The following PWWP3B variants were observed in gnomAD, a reference collection of about 807,000 sequenced individuals.
PWWP3B encodes PWWP domain-containing DNA repair factor 3B.
Under a neutral mutation model 15.7 loss-of-function variants are expected in PWWP3B, and 5 were observed. That is an observed-to-expected ratio of 0.32 (90% confidence interval 0.17 to 0.67). The LOEUF is 0.67. Ranked by LOEUF, PWWP3B falls within the 30% of genes least tolerant of loss-of-function variation. The pLI, the probability that PWWP3B is intolerant of heterozygous loss-of-function variation, is 0.74. For missense variants in PWWP3B, 519 were observed against 493.1 expected (o/e 1.05, Z -0.50); for synonymous variants, 203 against 179.8 (o/e 1.13, Z -1.03).
At chrX:106,174,640 G>T (rs1445095426) in intron 2 of PWWP3B, among the ~76,000 whole-genome samples, 2 of 111,547 alleles carry the variant, frequency 1.8e-5, no homozygotes, top group Non-Finnish European at 3.8e-5. Flanking sequence ...CCCTGTCCAG[G>T]AATCACCATA....
rs745530683 is a variant in PWWP3B at position 106,205,596 on chromosome X, C to G, written c.164C>G (p.Thr55Arg). Reference sequence around the variant, plus strand: ...AAAATTAAATTGGACAGCACAGAAACAAAGATCCTAAATAAATCTCAAATT... The same window carrying G: ...AAAATTAAATTGGACAGCACAGAAAGAAAGATCCTAAATAAATCTCAAATT... The part of the protein sequence containing the change: ...DEKIKLDSTE[T>R]KILNKSQIEA... The change falls in exon 4 of 4, where the codon ACA (threonine) becomes AGA (arginine). Residue 55 changes from threonine to arginine, a missense_variant. Transcript: ENST00000357175. 1.8e-5 allele frequency: 22 copies of G among 1,207,605 alleles called. No homozygotes were observed. In the South Asian group the frequency reaches 3.6e-4, roughly 20 times the overall value.
At chrX:106,181,269 G>A (rs962040618) in intron 2 of PWWP3B, among the ~76,000 whole-genome samples, 1 of 111,640 alleles carries the variant, frequency 9.0e-6, no homozygotes, top group East Asian at 2.8e-4. Context: ...CGTGGAAGGG[G>A]ACCCGAGTGG....
At chrX:106,194,618 T>G (rs1044365825) in intron 2 of PWWP3B, among the ~76,000 whole-genome samples, 2 of 112,043 alleles carry the variant, frequency 1.8e-5, no homozygotes, top group African/African-American at 6.5e-5. Flanking sequence ...AGAGGCACTC[T>G]GATTTTTAGA....
chrX:106,190,722 T>C (rs993767301), intron 2 of PWWP3B, among the ~76,000 whole-genome samples: 2 of 112,047 alleles, frequency 1.8e-5, no homozygotes, highest in Non-Finnish European at 3.8e-5. Flanking sequence ...AATTTTAGTA[T>C]AAGGTGTAAG....
chrX:106,190,723 A>G (rs1922878508), intron 2 of PWWP3B, among the ~76,000 whole-genome samples: 1 of 111,886 alleles, frequency 8.9e-6, no homozygotes, highest in African/African-American at 3.3e-5. Flanking sequence ...ATTTTAGTAT[A>G]AGGTGTAAGG....
chrX:106,176,343 C>G (rs1376652807), intron 2 of PWWP3B, among the ~76,000 whole-genome samples: 1 of 111,255 alleles, frequency 9.0e-6, no homozygotes, highest in Non-Finnish European at 1.9e-5. Context: ...ATCTGCCCAC[C>G]TCGGCCTTCC....
intron 2 of PWWP3B, among the ~76,000 whole-genome samples, chrX:106,179,264 G>T (rs1484335762): frequency 8.9e-6 from 1 of 112,127 alleles, no homozygotes; most frequent in Non-Finnish European, 1.9e-5. Flanking sequence ...TAAAAATGCT[G>T]CTACATAGTC....
At chrX:106,182,131 C>T (rs757062931) in intron 2 of PWWP3B, among the ~76,000 whole-genome samples, 11 of 111,965 alleles carry the variant, frequency 9.8e-5, no homozygotes, top group Middle Eastern at 4.6e-3. Context: ...TAGGCCTTGG[C>T]GGTTTTGGAG....
In PWWP3B at chrX:106,188,769, A is replaced by G. The variant is rs770109527; in HGVS notation, c.-400-15216A>G. Among the ~76,000 whole-genome samples the G allele has an allele frequency of 5.3e-5, 6 of 112,675 alleles. No homozygotes were observed. The South Asian group carries it at 2.2e-3, about 41-fold the overall frequency. The stretch of plus-strand genomic sequence containing the variant: ...TCATACAAATGGAATCATAAAGTAT[A>G]TAGCCTTTTACTTCTGGCTTCTTTC... On this transcript the variant is annotated intron_variant, in intron 2 of 3. Coordinates refer to ENST00000357175, the MANE Select transcript of PWWP3B (RefSeq NM_001171020.2).
intron 2 of PWWP3B, among the ~76,000 whole-genome samples, chrX:106,190,918 AC>A (rs1353167043): frequency 1.8e-5 from 2 of 111,317 alleles, no homozygotes; most frequent in African/African-American, 3.3e-5. Context: ...CTGTTTTGGT[AC>A]CAGTACCATG....
chrX:106,206,757 G>T lies in PWWP3B; in HGVS notation c.1325G>T (p.Arg442Ile), dbSNP rs1182586594. The T allele has an allele frequency of 8.3e-7, 1 of 1,210,810 alleles. No homozygotes were observed. Among genetic ancestry groups the T allele is most frequent in the Non-Finnish European group, 1.1e-6 (1 of 895,025 alleles). The change falls in exon 4 of 4, where the codon AGA becomes ATA. Residue 442 changes from arginine (R) to isoleucine (I), a missense_variant. Arg to Ile is a moderately conservative substitution (Grantham distance 97). Coordinates refer to ENST00000357175, the MANE Select transcript of PWWP3B (RefSeq NM_001171020.2). ...AAGGGCATTAGAGTAAATTTTAGAA[G>T]ATTAAAGAAATTTGATTGTAAAGAG... ...EKKGIRVNFR[R>I]LKKFDCKEKQ...
At chrX:106,195,297 G>A (rs189408205) in intron 2 of PWWP3B, among the ~76,000 whole-genome samples, 1 of 111,209 alleles carries the variant, frequency 9.0e-6, no homozygotes. Context: ...TGCAAGTATT[G>A]TCTCCCAATC....
At position 106,208,695 on chromosome X, in the gene PWWP3B, C is replaced by A. The variant is rs1454940605; in HGVS notation, c.*1172C>A. The A allele has an allele frequency of 1.6e-5, 2 of 123,604 alleles. No homozygotes were observed. The highest frequency in any genetic ancestry group is 3.7e-5 in the Non-Finnish European group (2 of 53,355). The allele number at this position is 123,604 out of a possible 1,213,427, so 10.2% of individuals were successfully genotyped here. A position where few individuals can be genotyped will look rare whatever the true frequency, so the allele number is the denominator to read the frequency against. ...TTATCTGAGTATGGTTAAATACATA[C>A]AATTAAATGTCTGAAGCCAATGAGT... On this transcript the variant is annotated 3_prime_UTR_variant, in exon 4 of 4. Transcript: ENST00000357175.
intron 2 of PWWP3B, chrX:106,177,084 C>G (rs1921939173): frequency 8.9e-6 from 1 of 112,764 alleles, no homozygotes; most frequent in Non-Finnish European, 1.9e-5. Context: ...TTGTTTTTCC[C>G]AGAAAATCAC....
chrX:106,205,212 G>A lies in PWWP3B; in HGVS notation c.-214-7G>A, dbSNP rs5962322. 23,014 of 320,585 alleles carry A rather than the reference G, an allele frequency of 0.072. 4,440 individuals carry two copies. The highest frequency in any genetic ancestry group is 0.56 in the African/African-American group (20,529 of 36,691). The allele number at this position is 320,585 out of a possible 1,213,427, so 26.4% of individuals were successfully genotyped here. ...TACTTTTCTTCTTTTCCTTTTCCCT[G>A]TTTCAGTATCTTCCGGTATCATCCT... On this transcript the variant is annotated splice_polypyrimidine_tract_variant and splice_region_variant and intron_variant, in intron 3 of 3. Transcript: ENST00000357175.
At chrX:106,175,459 C>G (rs1051498810) in intron 2 of PWWP3B, among the ~76,000 whole-genome samples, 6 of 109,567 alleles carry the variant, frequency 5.5e-5, no homozygotes, top group African/African-American at 2.0e-4. Flanking sequence ...CCAGGATGGT[C>G]TCGATCTCCT....
chrX:106,189,775 G>A (rs1486605214), intron 2 of PWWP3B, among the ~76,000 whole-genome samples: 4 of 109,128 alleles, frequency 3.7e-5, no homozygotes, highest in South Asian at 4.0e-4. Flanking sequence ...CTGCTACCAC[G>A]CCCGGCTAAT....
intron 2 of PWWP3B, among the ~76,000 whole-genome samples, chrX:106,202,355 T>C (rs1054415507): frequency 1.8e-5 from 2 of 112,274 alleles, no homozygotes; most frequent in Non-Finnish European, 3.8e-5. Context: ...TTTTTTAAAC[T>C]ATTTCAGCAT....
At chrX:106,194,390 A>T (rs1166891089) in intron 2 of PWWP3B, among the ~76,000 whole-genome samples, 1 of 111,891 alleles carries the variant, frequency 8.9e-6, no homozygotes, top group Non-Finnish European at 1.9e-5. Context: ...TTTCCGCTCC[A>T]TCAGGTCCTT....
Sources: allele counts gnomAD v4.1 joint callset (sites outside exome capture counted in the v4.1 genomes callset), GRCh38; gene constraint gnomAD v4.1.1; transcripts MANE v1.5; gene names NCBI Gene and HGNC (gene_info 2026-07-23, HGNC 2026-07-21).